Variants in SPTBN1 observed in about 807,000 individuals in gnomAD.
The protein encoded by SPTBN1 is spectrin beta chain, non-erythrocytic 1.
Under a neutral mutation model 266.4 loss-of-function variants are expected in SPTBN1, and 32 were observed. The observed-to-expected ratio is 0.12, with a 90% CI of 0.09 to 0.16. SPTBN1 has a LOEUF of 0.16. Ranked by LOEUF, SPTBN1 falls within the 10% of genes least tolerant of loss-of-function variation. The pLI is 1.00. For missense variants in SPTBN1, 2,296 were observed against 3,067.1 expected, an observed-to-expected ratio of 0.75 and a Z score of 5.94; for synonymous variants, 1,336 against 1,162.2, an observed-to-expected ratio of 1.15 and a Z score of -3.04.
chr2:54,606,641 C>T (rs566631767), intron 3 of SPTBN1, among the ~76,000 whole-genome samples: 10 of 140,728 alleles, frequency 7.1e-5, no homozygotes, highest in South Asian at 2.2e-4. Context: ...TGAATAGTCA[C>T]GTTTCAGCAT....
intron 1 of SPTBN1, among the ~76,000 whole-genome samples, chr2:54,456,787 C>T (rs1488278870): frequency 6.6e-6 from 1 of 150,720 alleles, no homozygotes; most frequent in South Asian, 2.1e-4. Context: ...GAGGCGGCAG[C>T]AGACCCGCCG....
At chr2:54,633,042 T>C (rs1678862067) in intron 17 of SPTBN1, among the ~76,000 whole-genome samples, 1 of 151,274 alleles carries the variant, frequency 6.6e-6, no homozygotes, top group Non-Finnish European at 1.5e-5. Context: ...GTAAGAGCCG[T>C]AGTGCTGCAT....
At position 54,614,299 on chromosome 2, in the gene SPTBN1, A is replaced by G. The variant is rs1390574882; in HGVS notation, c.475-1908A>G. Reference sequence around the variant, plus strand: ...ATACTCCACATATCCTTGTAGATACATAGGGTCAAGCTTCCCTGTGTACCT... The same window carrying G: ...ATACTCCACATATCCTTGTAGATACGTAGGGTCAAGCTTCCCTGTGTACCT... On this transcript the variant is annotated intron_variant, in intron 4 of 35. Coordinates refer to ENST00000356805, the MANE Select transcript of SPTBN1 (RefSeq NM_003128.3). Among the ~76,000 whole-genome samples the G allele has an allele frequency of 3.9e-5, 6 of 152,296 alleles. No homozygotes were observed. In the East Asian group the frequency reaches 1.2e-3, roughly 29 times the overall value.
At chr2:54,500,828 G>A (rs1669220430) in intron 1 of SPTBN1, among the ~76,000 whole-genome samples, 1 of 152,160 alleles carries the variant, frequency 6.6e-6, no homozygotes, top group Non-Finnish European at 1.5e-5. Context: ...GTGAGTCACT[G>A]TGCCTGGCTG....
chr2:54,630,166 C>G, intron 15 of SPTBN1, 137 bp downstream of exon 15: 2 of 1,176,048 alleles, frequency 1.7e-6, no homozygotes. Context: ...GGCATTGGCA[C>G]CTGCCTTTTG....
In SPTBN1 at chr2:54,558,113, A is replaced by G. The variant is rs1337564715; in HGVS notation, c.148+31547A>G. On this transcript the variant is annotated intron_variant, in intron 2 of 35. Coordinates refer to ENST00000356805, the MANE Select transcript of SPTBN1 (RefSeq NM_003128.3). This position sits in a 1 kb window ranked among gnomAD's most constrained non-coding sequence, Gnocchi z 4.6. ...TTTCCGTTACATGAGGCTCAACAAAAGATTGTAATTCCAGCAGCTCTGTTT... is the reference window on the plus strand; with the variant it reads ...TTTCCGTTACATGAGGCTCAACAAAGGATTGTAATTCCAGCAGCTCTGTTT... The G allele has an allele frequency of 5.1e-6, 5 of 985,256 alleles. No individual in the cohort carries two copies. In the African/African-American group the frequency reaches 8.7e-5, roughly 17 times the overall value. 61.0% of individuals were successfully genotyped at this position (985,256 alleles called of 1,614,324 possible).
At chr2:54,457,698 C>T (rs1693133558) in intron 1 of SPTBN1, among the ~76,000 whole-genome samples, 1 of 152,226 alleles carries the variant, frequency 6.6e-6, no homozygotes, top group African/African-American at 2.4e-5. Flanking sequence ...GGCCCCCGCC[C>T]GGCCCCACCC....
chr2:54,541,853 T>C (rs1397873969), intron 2 of SPTBN1, among the ~76,000 whole-genome samples: 1 of 152,258 alleles, frequency 6.6e-6, no homozygotes, highest in African/African-American at 2.4e-5. Context: ...TATGGGTGTA[T>C]TTGTGTGTAT....
At chr2:54,643,976 TAATAAC>T (rs956081334) in intron 19 of SPTBN1, among the ~76,000 whole-genome samples, 3 of 21,418 alleles carry the variant, frequency 1.4e-4, no homozygotes, top group African/African-American at 3.3e-4. Flanking sequence ...TGTCTCAATA[TAATAAC>T]AATAATAATA....
chr2:54,479,049 C>G (rs531642669), intron 1 of SPTBN1, among the ~76,000 whole-genome samples: 16 of 152,224 alleles, frequency 1.1e-4, no homozygotes, highest in Non-Finnish European at 2.4e-4. Flanking sequence ...GCTGCCTGGC[C>G]AGGCTGAAGG....
intron 2 of SPTBN1, among the ~76,000 whole-genome samples, chr2:54,594,397 C>T (rs1009716376): frequency 6.6e-6 from 1 of 152,082 alleles, no homozygotes; most frequent in Admixed American, 6.5e-5. Flanking sequence ...ACAATATTTA[C>T]ATTGTATTAG....
intron 32 of SPTBN1, chr2:54,661,795 CTT>C (rs754464314): frequency 2.0e-6 from 2 of 985,328 alleles, no homozygotes; most frequent in African/African-American, 1.7e-5. Context: ...CAATTTGACA[CTT>C]TTTGTATCTA....
intron 30 of SPTBN1, 43 bp downstream of exon 30, chr2:54,658,089 G>T: frequency 6.2e-7 from 1 of 1,608,894 alleles, no homozygotes; most frequent in Non-Finnish European, 8.5e-7. Context: ...GCCCTGGGCA[G>T]CCTTTTCTTC....
chr2:54,486,227 C>T lies in SPTBN1; in HGVS notation c.-48+29709C>T, dbSNP rs1196047186. 9.0e-4 allele frequency among the ~76,000 whole-genome samples: 137 copies of T among 152,038 alleles called. 1 individual carries two copies. The highest frequency in any genetic ancestry group is 1.0e-4 in the Non-Finnish European group (7 of 68,016). On this transcript the variant is annotated intron_variant, in intron 1 of 35. Coordinates refer to ENST00000356805, the MANE Select transcript of SPTBN1 (RefSeq NM_003128.3). ...CACCCTGTCTGGGAGGTGTACCCAA[C>T]AGCTCATTGAGAACGGGCCAGGATG... is the stretch of plus-strand genomic sequence containing the variant.
intron 1 of SPTBN1, among the ~76,000 whole-genome samples, chr2:54,474,972 G>T (rs770748579): frequency 2.0e-5 from 3 of 152,046 alleles, no homozygotes; most frequent in African/African-American, 7.2e-5. Flanking sequence ...TCAGGAGTTC[G>T]AGACCAACCT....
chr2:54,618,041 C>T (rs1459185037), intron 6 of SPTBN1, 37 bp from the exon 7 acceptor site: 2 of 1,517,590 alleles, frequency 1.3e-6, no homozygotes, highest in Admixed American at 1.8e-5. Context: ...CTTTTCAAGC[C>T]ATGATTTTTG....
In SPTBN1 at chr2:54,630,178, C is replaced by A. The variant is rs145698972; in HGVS notation, c.2807+149C>A. On this transcript the variant is annotated intron_variant, in intron 15 of 35. Transcript: ENST00000356805. Reference sequence around the variant, plus strand: ...CATGGCATTGGCACCTGCCTTTTGACATGTCCTTGTTTTGTAAGAAGTGTC... The same window carrying A: ...CATGGCATTGGCACCTGCCTTTTGAAATGTCCTTGTTTTGTAAGAAGTGTC... 173 of 1,085,294 alleles carry A rather than the reference C, an allele frequency of 1.6e-4. No individual in the cohort carries two copies. The African/African-American group carries it at 1.7e-3, about 11-fold the overall frequency. The allele number at this position is 1,085,294 out of a possible 1,614,324, so 67.2% of individuals were successfully genotyped here. A position where few individuals can be genotyped will look rare whatever the true frequency, so the allele number is the denominator to read the frequency against.
chr2:54,507,878 T>C (rs1669657957), intron 1 of SPTBN1, among the ~76,000 whole-genome samples: 2 of 152,050 alleles, frequency 1.3e-5, no homozygotes, highest in South Asian at 2.1e-4. Flanking sequence ...AGCAATTGTT[T>C]GTTAAAGAAG....
At chr2:54,473,872 A>G (rs1294853912) in intron 1 of SPTBN1, among the ~76,000 whole-genome samples, 1 of 152,252 alleles carries the variant, frequency 6.6e-6, no homozygotes, top group Non-Finnish European at 1.5e-5. Context: ...TTGTACTGGC[A>G]CAAGCTTATA....
Sources: allele counts gnomAD v4.1 joint callset (sites outside exome capture counted in the v4.1 genomes callset), GRCh38; gene constraint gnomAD v4.1.1; non-coding constraint Gnocchi (gnomAD v3.1); transcripts MANE v1.5; gene names NCBI Gene and HGNC (gene_info 2026-07-23, HGNC 2026-07-21).